ZNF804B: variants seen among roughly 807,000 people sequenced by gnomAD.
ZNF804B encodes the protein zinc finger protein 804B.
Under a neutral mutation model 101.4 loss-of-function variants are expected in ZNF804B, and 80 were observed. That is an observed-to-expected ratio of 0.79 (90% confidence interval 0.66 to 0.95). The LOEUF (loss-of-function observed/expected upper bound fraction) is 0.95. ZNF804B is among the 40% of genes least tolerant of loss of function. ZNF804B has a pLI of 0.00. For missense variants in ZNF804B, 1,673 were observed against 1,561.9 expected, an observed-to-expected ratio of 1.07 and a Z score of -1.20; for synonymous variants, 622 against 558.8, an observed-to-expected ratio of 1.11 and a Z score of -1.59.
chr7:88,952,846 G>A (rs73202740), intron 1 of ZNF804B, among the ~76,000 whole-genome samples: 15,533 of 151,690 alleles, frequency 0.1, 864 homozygotes, highest in South Asian at 0.18. Flanking sequence ...TTTTTGTTGG[G>A]CTGAGTCCAC....
intron 1 of ZNF804B, among the ~76,000 whole-genome samples, chr7:89,206,473 C>T (rs945937714): frequency 2.6e-5 from 4 of 152,122 alleles, no homozygotes; most frequent in Non-Finnish European, 4.4e-5. Context: ...GAATGCTGGC[C>T]AGGCACGGTG....
At chr7:88,900,803 A>G (rs938656483) in intron 1 of ZNF804B, among the ~76,000 whole-genome samples, 27 of 151,572 alleles carry the variant, frequency 1.8e-4, no homozygotes, top group African/African-American at 5.6e-4. Flanking sequence ...AATAAATTAC[A>G]ATGCAAAGAA....
chr7:89,335,352 A>G lies in ZNF804B; in HGVS notation c.2370A>G (p.Ser790=), dbSNP rs1791060015. The stretch of plus-strand genomic sequence containing the variant: ...AGAGGAACTGCAAATTGTGGGAATC[A>G]TTTAAAAATGAAAAATACTCAAAAC... ...QKERNCKLWE[S]FKNEKYSKRR... Residue 790 remains serine (S), a synonymous_variant, in exon 4 of 4, where the codon TCA becomes TCG. Transcript: ENST00000333190. 2 of 1,613,764 alleles carry G rather than the reference A, an allele frequency of 1.2e-6. No individual in the cohort carries two copies. The highest frequency in any genetic ancestry group is 1.1e-5 in the South Asian group (1 of 91,080).
intron 2 of ZNF804B, among the ~76,000 whole-genome samples, chr7:89,287,619 C>T (rs1307675537): frequency 6.6e-6 from 1 of 152,102 alleles, no homozygotes; most frequent in Admixed American, 6.6e-5. Flanking sequence ...AGATATTTCC[C>T]TCAGGCCTTG....
intron 1 of ZNF804B, among the ~76,000 whole-genome samples, chr7:89,088,425 A>G (rs1313352434): frequency 6.6e-6 from 1 of 151,750 alleles, no homozygotes; most frequent in African/African-American, 2.4e-5. Context: ...GTTATTGCTT[A>G]TTTGTGACAT....
chr7:89,069,623 A>C (rs1399085691), intron 1 of ZNF804B, among the ~76,000 whole-genome samples: 1 of 152,130 alleles, frequency 6.6e-6, no homozygotes, highest in Non-Finnish European at 1.5e-5. Context: ...CATTATCTTA[A>C]TGGCTGCACA....
At chr7:88,871,850 C>A (rs1485280545) in intron 1 of ZNF804B, among the ~76,000 whole-genome samples, 4 of 152,066 alleles carry the variant, frequency 2.6e-5, no homozygotes, top group Non-Finnish European at 5.9e-5. Context: ...TGCCTGTAAT[C>A]CCAGCTACTA....
chr7:89,280,110 A>C lies in ZNF804B; in HGVS notation c.250-47234A>C, dbSNP rs559949315. On this transcript the variant is annotated intron_variant, in intron 2 of 3. Coordinates refer to ENST00000333190, the MANE Select transcript of ZNF804B (RefSeq NM_181646.5). ...GAACTCGGGATTAAGAAACTCACTC[A>C]AAACCACTTAACCACATGGAAACTG... Among the ~76,000 whole-genome samples the C allele has an allele frequency of 9.2e-5, 14 of 152,338 alleles. No homozygotes were observed. In the South Asian group the frequency reaches 2.7e-3, roughly 29 times the overall value.
chr7:88,936,390 G>A (rs938907056), intron 1 of ZNF804B, among the ~76,000 whole-genome samples: 2 of 152,004 alleles, frequency 1.3e-5, no homozygotes, highest in African/African-American at 4.8e-5. Context: ...AAAGCAAAAG[G>A]CATAGCAATT....
intron 1 of ZNF804B, among the ~76,000 whole-genome samples, chr7:88,958,034 C>A (rs1015161643): frequency 6.6e-6 from 1 of 151,234 alleles, no homozygotes; most frequent in African/African-American, 2.4e-5. Context: ...GATTGTACCT[C>A]ACAGCAGTGA....
At chr7:88,807,805 T>C (rs1201072290) in intron 1 of ZNF804B, among the ~76,000 whole-genome samples, 1 of 152,188 alleles carries the variant, frequency 6.6e-6, no homozygotes, top group Non-Finnish European at 1.5e-5. Context: ...AGTAAAATCT[T>C]GTGCATAATC....
intron 1 of ZNF804B, among the ~76,000 whole-genome samples, chr7:88,961,204 A>G (rs1407186126): frequency 6.6e-6 from 1 of 151,194 alleles, no homozygotes; most frequent in Non-Finnish European, 1.5e-5. Context: ...AGTTTTCTAA[A>G]TAAACAATAA....
chr7:89,115,817 G>A (rs1367524093), intron 1 of ZNF804B, among the ~76,000 whole-genome samples: 1 of 151,856 alleles, frequency 6.6e-6, no homozygotes, highest in African/African-American at 2.4e-5. Context: ...TCTGAAGGGA[G>A]AATCAAGATT....
At chr7:88,874,247 T>C (rs912478857) in intron 1 of ZNF804B, among the ~76,000 whole-genome samples, 18 of 152,274 alleles carry the variant, frequency 1.2e-4, no homozygotes, top group Non-Finnish European at 1.8e-4. Context: ...GAATGGGAGT[T>C]CACTCATGAT....
At chr7:89,237,033 G>A (rs1489187589) in intron 2 of ZNF804B, among the ~76,000 whole-genome samples, 6 of 151,948 alleles carry the variant, frequency 3.9e-5, no homozygotes, top group African/African-American at 1.5e-4. Context: ...TTAGAATTTA[G>A]TAATGTCACA....
intron 1 of ZNF804B, among the ~76,000 whole-genome samples, chr7:89,048,767 G>A (rs557415498): frequency 5.9e-5 from 9 of 151,904 alleles, no homozygotes; most frequent in Non-Finnish European, 8.8e-5. Flanking sequence ...TACAGGTCTC[G>A]TCATTCCTTA....
intron 1 of ZNF804B, among the ~76,000 whole-genome samples, chr7:88,902,264 C>T (rs1215955427): frequency 6.6e-6 from 1 of 151,814 alleles, no homozygotes; most frequent in Non-Finnish European, 1.5e-5. Flanking sequence ...TTATTATTTC[C>T]CAAAACATTT....
chr7:89,121,907 T>C (rs1308186728), intron 1 of ZNF804B, among the ~76,000 whole-genome samples: 1 of 152,138 alleles, frequency 6.6e-6, no homozygotes. Flanking sequence ...GAGTGTTGGA[T>C]ATCAGCTGTG....
At chr7:89,333,082 CAT>C (rs904718079) in intron 3 of ZNF804B, among the ~76,000 whole-genome samples, 1 of 151,874 alleles carries the variant, frequency 6.6e-6, no homozygotes, top group African/African-American at 2.4e-5. Context: ...TTCTATAGGA[CAT>C]ATATTGTGAT....
Sources: gnomAD v4.1 joint callset for allele counts (sites outside exome capture counted in the v4.1 genomes callset) on GRCh38, gnomAD v4.1.1 for gene constraint, MANE v1.5 for transcripts, NCBI Gene and HGNC (gene_info 2026-07-23, HGNC 2026-07-21) for gene names.